The following THADA variants were observed in gnomAD, a reference collection of about 807,000 sequenced individuals.
The protein encoded by THADA is THADA armadillo repeat containing, also known as tRNA (32-2'-O)-methyltransferase regulator THADA.
In THADA, 213 loss-of-function variants were observed where a neutral mutation model predicts 219.8. The ratio of observed to expected loss-of-function variants is 0.97; its 90% CI spans 0.87 to 1.09. The LOEUF (loss-of-function observed/expected upper bound fraction) is 1.09, where lower values mean the gene tolerates loss of function less well. Ranked by LOEUF, THADA falls within the 50% of genes least tolerant of loss-of-function variation. The probability of loss-of-function intolerance (pLI) is 0.00; values close to 1 mark genes in which losing one functional copy is unlikely to be tolerated. For synonymous variants in THADA, 1,018 were observed against 828.9 expected (o/e 1.23, Z -3.92); for missense variants, 2,956 against 2,311.3 (o/e 1.28, Z -5.72).
At chr2:43,550,796 T>C (rs553219653) in intron 19 of THADA, among the ~76,000 whole-genome samples, 7 of 152,306 alleles carry the variant, frequency 4.6e-5, no homozygotes, top group Non-Finnish European at 8.8e-5. Context: ...TCCTTATTCT[T>C]ATGCACTGCT....
intron 28 of THADA, among the ~76,000 whole-genome samples, chr2:43,400,470 T>TATATATAA (rs1420357005): frequency 7.0e-6 from 1 of 143,450 alleles, no homozygotes; most frequent in African/African-American, 2.6e-5. Flanking sequence ...TATATATATA[T>TATATATAA]ATATATAAAT....
chr2:43,443,661 A>G (rs758644781), intron 26 of THADA, among the ~76,000 whole-genome samples: 5 of 152,256 alleles, frequency 3.3e-5, no homozygotes, highest in South Asian at 4.1e-4. Flanking sequence ...AGACCACTAA[A>G]AATTGTGAAT....
chr2:43,489,748 C>G (rs180798940), intron 25 of THADA, among the ~76,000 whole-genome samples: 47 of 152,090 alleles, frequency 3.1e-4, no homozygotes, highest in African/African-American at 1.1e-3. Flanking sequence ...GCCACAAGCT[C>G]TAATTTACTG....
At chr2:43,273,009 G>A (rs1057327096) in intron 36 of THADA, among the ~76,000 whole-genome samples, 1 of 152,040 alleles carries the variant, frequency 6.6e-6, no homozygotes, top group Non-Finnish European at 1.5e-5. Context: ...AGCATTTTGG[G>A]AGGCCAAGGC....
At chr2:43,355,358 A>G (rs1379893308) in intron 29 of THADA, among the ~76,000 whole-genome samples, 1 of 152,188 alleles carries the variant, frequency 6.6e-6, no homozygotes, top group Non-Finnish European at 1.5e-5. Flanking sequence ...CCAACAGTGT[A>G]CAAAGGTTCC....
At chr2:43,557,019 G>C (rs1464961985) in intron 16 of THADA, among the ~76,000 whole-genome samples, 1 of 152,174 alleles carries the variant, frequency 6.6e-6, no homozygotes, top group African/African-American at 2.4e-5. Context: ...GGAGTTCATG[G>C]CTGCAGTGAG....
Position 43,514,600 on chromosome 2 carries a change from T to G in THADA, c.3375-5820A>C, listed in dbSNP as rs1165672605. Among the ~76,000 whole-genome samples the G allele has an allele frequency of 5.1e-3, 505 of 99,442 alleles. 79 individuals carry two copies. The highest frequency in any genetic ancestry group is 0.011 in the African/African-American group (245 of 22,794). The allele number at this position is 99,442 out of a possible 152,430, so 65.2% of individuals were successfully genotyped here. A position where few individuals can be genotyped will look rare whatever the true frequency, so the allele number is the denominator to read the frequency against. On this transcript the variant is annotated intron_variant, in intron 22 of 37. Transcript: ENST00000405975. ...TATGTATATTTTATATATGTATATT[T>G]TATATATATTTTATATATTTTATAT...
chr2:43,564,719 C>T (rs987012916), intron 15 of THADA: 1 of 152,314 alleles, frequency 6.6e-6, no homozygotes, highest in African/African-American at 2.4e-5. Flanking sequence ...AAAACTGGAA[C>T]AAGCCAGTAT....
At chr2:43,474,179 T>G (rs911712774) in intron 26 of THADA, among the ~76,000 whole-genome samples, 1 of 152,204 alleles carries the variant, frequency 6.6e-6, no homozygotes, top group Non-Finnish European at 1.5e-5. Context: ...GTCATATGGA[T>G]AGAGCAAAAG....
intron 36 of THADA, among the ~76,000 whole-genome samples, chr2:43,278,242 G>T (rs750172157): frequency 6.6e-6 from 1 of 152,008 alleles, no homozygotes; most frequent in Non-Finnish European, 1.5e-5. Flanking sequence ...TGAGATTACT[G>T]CGCCTGGCCT....
rs755409781 is a variant in THADA, at chr2:43,556,397, T to A, written c.2622A>T (p.Ala874=). ...SLSAYLTQQV[A]CDNGDRPAAV... is the part of the protein sequence containing the mutation. ...CAGCAGGCCTATCTCCATTATCACA[T>A]GCAACTTGCTGAGTTAAGTAGGCAG... The change falls in exon 17 of 38, where the codon GCA becomes GCT. Residue 874 remains alanine (A), a synonymous_variant. Transcript: ENST00000405975. 1 of 1,613,866 alleles carries A rather than the reference T, an allele frequency of 6.2e-7. No homozygotes were observed. Among genetic ancestry groups the A allele is most frequent in the Admixed American group, 1.7e-5 (1 of 60,010 alleles).
At chr2:43,501,173 G>A (rs1344109198) in intron 24 of THADA, among the ~76,000 whole-genome samples, 2 of 151,396 alleles carry the variant, frequency 1.3e-5, no homozygotes, top group Non-Finnish European at 2.9e-5. Flanking sequence ...GGGCGTGGTG[G>A]TGCACGCCTG....
chr2:43,518,004 G>A (rs2103663728), intron 22 of THADA, among the ~76,000 whole-genome samples: 1 of 152,260 alleles, frequency 6.6e-6, no homozygotes, highest in East Asian at 1.9e-4. Context: ...GGCCCTGGCT[G>A]AAATATTACT....
chr2:43,396,214 C>T (rs771785820), intron 29 of THADA, among the ~76,000 whole-genome samples: 4 of 152,204 alleles, frequency 2.6e-5, no homozygotes, highest in Non-Finnish European at 5.9e-5. Context: ...GGGGGCTACC[C>T]ACTGGGAGCC....
At chr2:43,274,274 G>C (rs1672465077) in intron 36 of THADA, among the ~76,000 whole-genome samples, 1 of 152,210 alleles carries the variant, frequency 6.6e-6, no homozygotes, top group African/African-American at 2.4e-5. Context: ...CAGTGTGCGA[G>C]TCAGCAAGAC....
chr2:43,557,917 C>T (rs896477578), intron 16 of THADA, among the ~76,000 whole-genome samples: 1 of 152,050 alleles, frequency 6.6e-6, no homozygotes, highest in Non-Finnish European at 1.5e-5. Flanking sequence ...AAATTCTTTA[C>T]CATTTGATAA....
intron 30 of THADA, among the ~76,000 whole-genome samples, chr2:43,323,150 GT>G: frequency 6.6e-6 from 1 of 151,240 alleles, no homozygotes; most frequent in Non-Finnish European, 1.5e-5. Context: ...TTTTTGTTTT[GT>G]TTTGTTCTGA....
intron 22 of THADA, among the ~76,000 whole-genome samples, chr2:43,522,536 G>C (rs760156143): frequency 3.2e-4 from 49 of 152,238 alleles, no homozygotes; most frequent in Non-Finnish European, 4.9e-4. Context: ...AGATCAAGGA[G>C]AAAAATTAAT....
Position 43,280,649 on chromosome 2 carries a change from CA to C in THADA, c.5165-754del, listed in dbSNP as rs1042060534. 5.9e-5 allele frequency among the ~76,000 whole-genome samples: 9 copies of C among 151,730 alleles called. No homozygotes were observed. The East Asian group carries it at 1.6e-3, about 26-fold the overall frequency. On this transcript the variant is annotated intron_variant, in intron 35 of 37. Coordinates refer to ENST00000405975, the MANE Select transcript of THADA (RefSeq NM_022065.5). Reference sequence around the variant, plus strand: ...CCATCCTCGCTCCCGACCAAAAAAACAAAAAACAAAACAACAACAACAACAA... The same window carrying C: ...CCATCCTCGCTCCCGACCAAAAAAACAAAAACAAAACAACAACAACAACAA...
Sources: gnomAD v4.1 joint callset for allele counts (sites outside exome capture counted in the v4.1 genomes callset) on GRCh38, gnomAD v4.1.1 for gene constraint, MANE v1.5 for transcripts, NCBI Gene and HGNC (gene_info 2026-07-23, HGNC 2026-07-21) for gene names.